Variants in NOVA1 observed in about 807,000 individuals in gnomAD.
NOVA1 encodes the protein RNA-binding protein Nova-1.
In NOVA1, 7 loss-of-function variants were observed where a neutral mutation model predicts 38.0. The ratio of observed to expected loss-of-function variants is 0.18; its 90% CI spans 0.10 to 0.35. NOVA1 has a LOEUF of 0.35. Among genes scored for constraint, NOVA1 ranks in the 10% least tolerant of loss-of-function variants. The pLI, the probability that NOVA1 is intolerant of heterozygous loss-of-function variation, is 1.00. For synonymous variants in NOVA1, 270 were observed against 232.5 expected, an observed-to-expected ratio of 1.16 and a Z score of -1.47; for missense variants, 460 against 616.0, an observed-to-expected ratio of 0.75 and a Z score of 2.68.
At chr14:26,571,571 G>A (rs979322618) in intron 2 of NOVA1, among the ~76,000 whole-genome samples, 2 of 152,290 alleles carry the variant, frequency 1.3e-5, no homozygotes, top group African/African-American at 4.8e-5. Context: ...GGAGGCTCCA[G>A]CAACCCCAGG....
At chr14:26,477,003 C>G (rs1043561975) in intron 3 of NOVA1, among the ~76,000 whole-genome samples, 1 of 147,830 alleles carries the variant, frequency 6.8e-6, no homozygotes, top group Non-Finnish European at 1.5e-5. Flanking sequence ...GCGTGAGCCA[C>G]AGTGCCTGGC....
Position 26,566,090 on chromosome 14 carries a change from A to G in NOVA1, c.280+29320T>C, listed in dbSNP as rs548117126. Among the ~76,000 whole-genome samples the G allele has an allele frequency of 3.3e-5, 5 of 152,270 alleles. No homozygotes were observed. In the South Asian group the frequency reaches 1.0e-3, roughly 32 times the overall value. The stretch of plus-strand genomic sequence containing the variant: ...TTCCTTCAGAGTCGTTGTAAAATAA[A>G]AGACTATAAAATGCTATAAGGAATG... On this transcript the variant is annotated intron_variant, in intron 2 of 4. Coordinates refer to ENST00000539517, the MANE Select transcript of NOVA1 (RefSeq NM_002515.3).
chr14:26,597,797 C>G lies in NOVA1; in HGVS notation c.-361G>C. On this transcript the variant is annotated 5_prime_UTR_variant, in exon 1 of 5. Transcript: ENST00000539517. ...GGAGGAGGGGACCGGGGAGGACAGG[C>G]AGAGGGAGTGGGAGAGCGCGAGGGC... The G allele has an allele frequency of 1.6e-6, 1 of 637,892 alleles. No individual in the cohort carries two copies. Among genetic ancestry groups the G allele is most frequent in the South Asian group, 7.1e-5 (1 of 14,024 alleles). The allele number at this position is 637,892 out of a possible 1,614,324, so 39.5% of individuals were successfully genotyped here. A position where few individuals can be genotyped will look rare whatever the true frequency, so the allele number is the denominator to read the frequency against.
rs577040115 is a variant in NOVA1 at position 26,453,328 on chromosome 14, C to T, written c.520-4365G>A. Among the ~76,000 whole-genome samples, 23 of 152,072 alleles carry T rather than the reference C, an allele frequency of 1.5e-4. No homozygotes were observed. In the South Asian group the frequency reaches 4.6e-3, roughly 30 times the overall value. ...GCTGAAGCGATCCACCTGGTTCAGC[C>T]TCCTGAGTAGCTGGGATTATAGGTG... On this transcript the variant is annotated intron_variant, in intron 4 of 4. Coordinates refer to ENST00000539517, the MANE Select transcript of NOVA1 (RefSeq NM_002515.3).
intron 2 of NOVA1, among the ~76,000 whole-genome samples, chr14:26,535,521 T>TG (rs1890001275): frequency 1.4e-4 from 21 of 152,162 alleles, no homozygotes; most frequent in Non-Finnish European, 4.4e-5. Context: ...TAAGGATTAA[T>TG]ATAACAGTGG....
intron 2 of NOVA1, among the ~76,000 whole-genome samples, chr14:26,492,193 G>A (rs976516472): frequency 6.6e-6 from 1 of 152,136 alleles, no homozygotes; most frequent in African/African-American, 2.4e-5. Flanking sequence ...ACTGTTCACT[G>A]TGGTGTATAG....
chr14:26,574,447 A>C (rs73601982), intron 2 of NOVA1, among the ~76,000 whole-genome samples: 3,651 of 152,124 alleles, frequency 0.024, 135 homozygotes, highest in African/African-American at 0.084. Flanking sequence ...TACCTTGGAA[A>C]TGTCATTCAT....
At chr14:26,573,588 T>A (rs765947948) in intron 2 of NOVA1, among the ~76,000 whole-genome samples, 1 of 152,060 alleles carries the variant, frequency 6.6e-6, no homozygotes, top group Non-Finnish European at 1.5e-5. Context: ...CTAAAAAGAA[T>A]AGAGAATTCT....
intron 1 of NOVA1, chr14:26,596,922 G>T (rs1438823985): frequency 8.5e-7 from 1 of 1,177,662 alleles, no homozygotes; most frequent in East Asian, 5.7e-5. Context: ...TAAACGCAGC[G>T]CGCATCTTCG....
At chr14:26,480,190 TA>T (rs761896060) in intron 2 of NOVA1, 47 bp from the exon 3 acceptor site, 9 of 1,518,096 alleles carry the variant, frequency 5.9e-6, no homozygotes, top group Non-Finnish European at 7.1e-6. Flanking sequence ...CACTTTGCAT[TA>T]AAAAAATTAT....
At chr14:26,527,299 G>C (rs1339774893) in intron 2 of NOVA1, among the ~76,000 whole-genome samples, 3 of 152,088 alleles carry the variant, frequency 2.0e-5, no homozygotes, top group African/African-American at 7.2e-5. Flanking sequence ...CGTTATAGTT[G>C]CAGGCTGTAC....
chr14:26,496,156 C>T (rs1345583634), intron 2 of NOVA1, among the ~76,000 whole-genome samples: 10 of 150,964 alleles, frequency 6.6e-5, no homozygotes, highest in African/African-American at 1.7e-4. Context: ...TCTCCAGCAC[C>T]TGTTGTTTCC....
chr14:26,527,652 C>T (rs941854699), intron 2 of NOVA1, among the ~76,000 whole-genome samples: 5 of 152,096 alleles, frequency 3.3e-5, no homozygotes, highest in African/African-American at 1.2e-4. Context: ...GTCAAGTAGA[C>T]CATATAGTTC....
intron 2 of NOVA1, among the ~76,000 whole-genome samples, chr14:26,525,190 T>A (rs1380589828): frequency 6.6e-6 from 1 of 152,158 alleles, no homozygotes; most frequent in African/African-American, 2.4e-5. Flanking sequence ...AACATCTGTC[T>A]GTTTTACATT....
At chr14:26,551,699 A>C (rs1891169767) in intron 2 of NOVA1, among the ~76,000 whole-genome samples, 1 of 152,028 alleles carries the variant, frequency 6.6e-6, no homozygotes, top group African/African-American at 2.4e-5. Flanking sequence ...TATTTATATA[A>C]CAGTATACAA....
At chr14:26,561,094 T>G (rs571448638) in intron 2 of NOVA1, among the ~76,000 whole-genome samples, 2 of 152,256 alleles carry the variant, frequency 1.3e-5, no homozygotes, top group South Asian at 4.1e-4. Flanking sequence ...CAGTTCATGA[T>G]AGGGTTTCCG....
In NOVA1 at chr14:26,448,189, A is replaced by C; in HGVS notation, c.1294T>G (p.Leu432Val). The C allele has an allele frequency of 6.2e-7, 1 of 1,614,152 alleles. No individual in the cohort carries two copies. Among genetic ancestry groups the C allele is most frequent in the Non-Finnish European group, 8.5e-7 (1 of 1,180,026 alleles). Reference sequence around the variant, plus strand: ...CCTTTGCCAAGTATTGCACCAACTAAGTTTTCTGGCACTGCTATTTCAACT... The same window carrying C: ...CCTTTGCCAAGTATTGCACCAACTACGTTTTCTGGCACTGCTATTTCAACT... The part of the protein sequence containing the change: ...DVVEIAVPEN[L>V]VGAILGKGGK... Residue 432 changes from leucine (L) to valine (V), a missense_variant, in exon 5 of 5, where the codon TTA (leucine) becomes GTA (valine). Coordinates refer to ENST00000539517, the MANE Select transcript of NOVA1 (RefSeq NM_002515.3). This position sits in a 1 kb window ranked among gnomAD's most constrained non-coding sequence, Gnocchi z 5.3.
intron 2 of NOVA1, among the ~76,000 whole-genome samples, chr14:26,500,422 G>A (rs1887164500): frequency 6.6e-6 from 1 of 151,840 alleles, no homozygotes; most frequent in African/African-American, 2.4e-5. Flanking sequence ...TTGAGGTAAG[G>A]GGCCATCCCA....
chr14:26,527,316 C>T (rs1044880465), intron 2 of NOVA1, among the ~76,000 whole-genome samples: 2 of 152,070 alleles, frequency 1.3e-5, no homozygotes, highest in African/African-American at 4.8e-5. Flanking sequence ...GTACAAGTCT[C>T]ACATTTCTTG....
Sources: allele counts gnomAD v4.1 joint callset (sites outside exome capture counted in the v4.1 genomes callset), GRCh38; gene constraint gnomAD v4.1.1; non-coding constraint Gnocchi (gnomAD v3.1); transcripts MANE v1.5; gene names NCBI Gene and HGNC (gene_info 2026-07-23, HGNC 2026-07-21).